GTF3C3: variants seen among roughly 807,000 people sequenced by gnomAD.
GTF3C3 encodes general transcription factor IIIC subunit 3.
Under a neutral mutation model 105.2 loss-of-function variants are expected in GTF3C3, and 75 were observed. The observed-to-expected ratio is 0.71, with a 90% CI of 0.59 to 0.86. The LOEUF (loss-of-function observed/expected upper bound fraction) is 0.86. GTF3C3 is among the 40% of genes least tolerant of loss of function. GTF3C3 has a pLI of 0.00. For missense variants in GTF3C3, 856 were observed against 1,076.5 expected (o/e 0.80, Z 2.87); for synonymous variants, 335 against 370.4 (o/e 0.90, Z 1.10).
At position 196,793,037 on chromosome 2, in the gene GTF3C3, TTCCTCCTCCTCC is replaced by T. The variant is rs555178972; in HGVS notation, c.318_329del (p.Glu108_Glu111del). On this transcript the variant is annotated inframe_deletion, in exon 3 of 18. Transcript: ENST00000263956. ...CCGCAGTGGGTTGCTCAGGTGTTTCTTCCTCCTCCTCCTCCTCCTCCTCTTCTTCCTCTTCCT... is the reference window on the plus strand; with the variant it reads ...CCGCAGTGGGTTGCTCAGGTGTTTCTTCCTCCTCCTCTTCTTCCTCTTCCT... The T allele has an allele frequency of 6.2e-6, 10 of 1,611,248 alleles. No individual in the cohort carries two copies. The African/African-American group carries it at 1.3e-4, about 22-fold the overall frequency.
chr2:196,791,173 ACT>A (rs1468230916), intron 4 of GTF3C3, among the ~76,000 whole-genome samples, 162 bp downstream of exon 4: 4 of 152,156 alleles, frequency 2.6e-5, no homozygotes, highest in African/African-American at 7.2e-5. Flanking sequence ...ATTGACTCAT[ACT>A]CTGAGATTTT....
At chr2:196,780,954 T>C (rs1290018843) in intron 8 of GTF3C3, 2 of 208,702 alleles carry the variant, frequency 9.6e-6, no homozygotes, top group East Asian at 2.1e-4. Flanking sequence ...GAACCCTCTC[T>C]CTTTTTTTTC....
At chr2:196,793,288 CA>C (rs1292973371) in intron 2 of GTF3C3, 136 bp from the exon 3 acceptor site, 7 of 625,842 alleles carry the variant, frequency 1.1e-5, no homozygotes, top group Admixed American at 6.1e-5. Flanking sequence ...TGAACACCCT[CA>C]AAAACCAAAC....
At chr2:196,765,405 A>C (rs1015535734) in intron 17 of GTF3C3, among the ~76,000 whole-genome samples, 3 of 152,098 alleles carry the variant, frequency 2.0e-5, no homozygotes, top group Non-Finnish European at 4.4e-5. Context: ...CTGTATAAAC[A>C]ACCTTTAATA....
chr2:196,794,416 C>A (rs1355710423), intron 2 of GTF3C3, among the ~76,000 whole-genome samples: 1 of 151,868 alleles, frequency 6.6e-6, no homozygotes, highest in East Asian at 1.9e-4. Context: ...ATGTTTATAT[C>A]TCTCTATATA....
chr2:196,776,528 T>C lies in GTF3C3; in HGVS notation c.1492A>G (p.Thr498Ala), dbSNP rs768095227. 6.2e-7 allele frequency: 1 copy of C among 1,614,114 alleles called. No individual in the cohort carries two copies. Among genetic ancestry groups the C allele is most frequent in the East Asian group, 2.2e-5 (1 of 44,888 alleles). Residue 498 changes from threonine (T) to alanine (A), a missense_variant, in exon 11 of 18, where the codon ACC (threonine) becomes GCC (alanine). Physicochemically the swap from Thr to Ala is moderately conservative, Grantham distance 58. Coordinates refer to ENST00000263956, the MANE Select transcript of GTF3C3 (RefSeq NM_012086.5). This position sits in a 1 kb window ranked among gnomAD's most constrained non-coding sequence, Gnocchi z 4.5. ...LHLDARISLS[T>A]LQQQLGQPEK... is the part of the protein sequence containing the mutation. The stretch of plus-strand genomic sequence containing the variant: ...GGCTGGCCCAGCTGCTGCTGAAGGG[T>C]AGAAAGTGAAATCCTTGCATCCAAA...
intron 7 of GTF3C3, 43 bp from the exon 8 acceptor site, chr2:196,784,972 A>G: frequency 7.8e-7 from 1 of 1,283,808 alleles, no homozygotes; most frequent in Non-Finnish European, 1.1e-6. Context: ...ATATGTGTGA[A>G]AAACCATTTC....
At chr2:196,774,812 C>T (rs1699235622) in intron 13 of GTF3C3, among the ~76,000 whole-genome samples, 1 of 152,172 alleles carries the variant, frequency 6.6e-6, no homozygotes, top group South Asian at 2.1e-4. Flanking sequence ...ATCATCTATA[C>T]TGTCATCTAA....
intron 2 of GTF3C3, among the ~76,000 whole-genome samples, chr2:196,795,531 G>A (rs1404133227): frequency 8.2e-6 from 1 of 122,076 alleles, no homozygotes; most frequent in Non-Finnish European, 1.7e-5. Flanking sequence ...ATTTATCAGA[G>A]GAACAAAAGA....
At position 196,764,440 on chromosome 2, in the gene GTF3C3, C is replaced by CTGTT. The variant is rs535533694; in HGVS notation, c.*119_*122dup. The stretch of plus-strand genomic sequence containing the variant: ...TTATCACATATTAAAAATAAATACA[C>CTGTT]TGTTTGTTAGGTAATTCTGAAATTG... On this transcript the variant is annotated 3_prime_UTR_variant, in exon 18 of 18. Transcript: ENST00000263956. The CTGTT allele has an allele frequency of 5.1e-4, 435 of 858,954 alleles. 3 individuals carry two copies. The South Asian group carries it at 7.2e-3, about 14-fold the overall frequency. 53.2% of individuals were successfully genotyped at this position (858,954 alleles called of 1,614,324 possible).
rs1344138307 is a variant in GTF3C3, at chr2:196,764,462, A to T, written c.*101T>A. 1 of 1,054,346 alleles carries T rather than the reference A, an allele frequency of 9.5e-7. No homozygotes were observed. 65.3% of individuals were successfully genotyped at this position (1,054,346 alleles called of 1,614,324 possible). A position where few individuals can be genotyped will look rare whatever the true frequency, so the allele number is the denominator to read the frequency against. ...ACACTGTTTGTTAGGTAATTCTGAA[A>T]TTGTCATTTCTATTTTGGAGTTACA... On this transcript the variant is annotated 3_prime_UTR_variant, in exon 18 of 18. Transcript: ENST00000263956.
intron 2 of GTF3C3, among the ~76,000 whole-genome samples, chr2:196,796,746 C>T (rs1480164357): frequency 6.6e-6 from 1 of 152,168 alleles, no homozygotes; most frequent in Non-Finnish European, 1.5e-5. Flanking sequence ...TCAGCTCCCA[C>T]TTATAAGTGA....
chr2:196,780,727 A>G (rs1699335405), intron 8 of GTF3C3, 65 bp from the exon 9 acceptor site: 2 of 1,543,846 alleles, frequency 1.3e-6, no homozygotes, highest in Non-Finnish European at 1.8e-6. Context: ...CTTCTATGTA[A>G]GATCTCATTT....
chr2:196,799,518 C>G lies in GTF3C3; in HGVS notation c.94G>C (p.Glu32Gln). The G allele has an allele frequency of 6.2e-7, 1 of 1,613,468 alleles. No homozygotes were observed. The highest frequency in any genetic ancestry group is 8.5e-7 in the Non-Finnish European group (1 of 1,179,398). ...ERRREERKTR[E>Q]KKSLQEKGKL... ...GCCTAGCATCGCCTCACTTTCTTCT[C>G]GCGGGTTTTTCTCTCTTCTCTCCGC... Residue 32 changes from glutamate (E) to glutamine (Q), a missense_variant, in exon 1 of 18, where the codon GAG becomes CAG. Glu to Gln is a conservative substitution (Grantham distance 29). Around this residue, in one of 3 missense-constraint regions of GTF3C3, gnomAD observed 117 missense variants for 114.0 expected, o/e 1.03. Coordinates refer to ENST00000263956, the MANE Select transcript of GTF3C3 (RefSeq NM_012086.5).
At chr2:196,767,246 G>GACTC (rs1245167402) in intron 16 of GTF3C3, among the ~76,000 whole-genome samples, 2 of 152,144 alleles carry the variant, frequency 1.3e-5, no homozygotes, top group African/African-American at 4.8e-5. Flanking sequence ...GAAAGCTTCT[G>GACTC]ACTCAAAGAC....
At chr2:196,799,018 C>T (rs555303207) in intron 1 of GTF3C3, among the ~76,000 whole-genome samples, 2 of 152,196 alleles carry the variant, frequency 1.3e-5, no homozygotes, top group Non-Finnish European at 2.9e-5. Context: ...TGAAGATTAT[C>T]TTCTTATCGG....
chr2:196,783,372 A>G lies in GTF3C3; in HGVS notation c.1114+1485T>C, dbSNP rs114606675. Among the ~76,000 whole-genome samples, 495 of 152,316 alleles carry G rather than the reference A, an allele frequency of 3.2e-3. 3 individuals are homozygous for G. The highest frequency in any genetic ancestry group is 0.012 in the African/African-American group (481 of 41,572). On this transcript the variant is annotated intron_variant, in intron 8 of 17. Coordinates refer to ENST00000263956, the MANE Select transcript of GTF3C3 (RefSeq NM_012086.5). ...AACAGAACTTGGTATTTCTCTACCA[A>G]GTTTTCCAAACAAAGGACAGATTTT...
At chr2:196,799,388 G>A (rs1699706767) in intron 1 of GTF3C3, 122 bp downstream of exon 1, 1 of 712,154 alleles carries the variant, frequency 1.4e-6, no homozygotes, top group African/African-American at 1.7e-5. Context: ...GTAAGATAAG[G>A]AAGAAGCTGC....
chr2:196,779,678 T>C (rs996198406), intron 9 of GTF3C3, among the ~76,000 whole-genome samples: 4 of 152,130 alleles, frequency 2.6e-5, no homozygotes, highest in Non-Finnish European at 4.4e-5. Flanking sequence ...TCCTTAGATA[T>C]CCCCATGGTT....
Sources: allele counts gnomAD v4.1 joint callset (sites outside exome capture counted in the v4.1 genomes callset), GRCh38; gene constraint gnomAD v4.1.1; regional missense constraint gnomAD v4.1.1; non-coding constraint Gnocchi (gnomAD v3.1); transcripts MANE v1.5; gene names NCBI Gene and HGNC (gene_info 2026-07-23, HGNC 2026-07-21).